The following RIOK1 variants were observed in gnomAD, a reference collection of about 807,000 sequenced individuals.
RIOK1 encodes the protein serine/threonine-protein kinase RIO1.
RIOK1 carries 66 observed loss-of-function variants against 73.5 expected under a neutral mutation model. The observed-to-expected ratio is 0.90, with a 90% confidence interval of 0.74 to 1.10. The LOEUF (loss-of-function observed/expected upper bound fraction) is 1.10, where lower values mean the gene tolerates loss of function less well. Ranked by LOEUF, RIOK1 falls within the 50% of genes least tolerant of loss-of-function variation. The pLI is 0.00. For missense variants in RIOK1, 658 were observed against 699.8 expected (o/e 0.94, Z 0.67); for synonymous variants, 224 against 226.8 (o/e 0.99, Z 0.11).
chr6:7,390,168 T>G, intron 1 of RIOK1, 95 bp downstream of exon 1: 1 of 1,005,678 alleles, frequency 9.9e-7, no homozygotes, highest in Non-Finnish European at 1.5e-6. Context: ...AGAGGGAGAC[T>G]AGTGGTTCAT....
Position 7,417,556 on chromosome 6 carries a change from G to A in RIOK1, c.*115G>A, listed in dbSNP as rs1170719123. The A allele has an allele frequency of 4.9e-6, 3 of 609,002 alleles. No homozygotes were observed. The highest frequency in any genetic ancestry group is 8.4e-6 in the Non-Finnish European group (3 of 355,314). The allele number at this position is 609,002 out of a possible 1,614,324, so 37.7% of individuals were successfully genotyped here. On this transcript the variant is annotated 3_prime_UTR_variant, in exon 17 of 17. Coordinates refer to ENST00000379834, the MANE Select transcript of RIOK1 (RefSeq NM_031480.3). ...TTAACCAGATTGTCATCGTGGCACTGTCTGTGAAGACGGATTCAAATGTTT... is the reference window on the plus strand; with the variant it reads ...TTAACCAGATTGTCATCGTGGCACTATCTGTGAAGACGGATTCAAATGTTT...
chr6:7,402,746 T>G (rs777174528), intron 7 of RIOK1, 31 bp downstream of exon 7: 2 of 1,604,688 alleles, frequency 1.2e-6, no homozygotes, highest in Non-Finnish European at 1.7e-6. Context: ...CCAGTTGGTT[T>G]AATTTCTATT....
At chr6:7,401,914 A>T (rs1469886869) in intron 6 of RIOK1, among the ~76,000 whole-genome samples, 1 of 152,026 alleles carries the variant, frequency 6.6e-6, no homozygotes, top group East Asian at 1.9e-4. Flanking sequence ...TTTGGCCTGA[A>T]GTGATTCACC....
At chr6:7,394,526 T>G (rs1416634824) in intron 2 of RIOK1, among the ~76,000 whole-genome samples, 1 of 152,232 alleles carries the variant, frequency 6.6e-6, no homozygotes, top group Non-Finnish European at 1.5e-5. Context: ...ATTTTGCATT[T>G]TTATATCGTC....
At chr6:7,395,759 G>A (rs1761459874) in intron 3 of RIOK1, among the ~76,000 whole-genome samples, 1 of 150,868 alleles carries the variant, frequency 6.6e-6, no homozygotes, top group African/African-American at 2.4e-5. Context: ...ACCCAGGCTA[G>A]AGTGCAGTGG....
At chr6:7,400,877 GTTTA>G in intron 5 of RIOK1, 77 bp from the exon 6 acceptor site, 1 of 791,966 alleles carries the variant, frequency 1.3e-6, no homozygotes, top group Non-Finnish European at 2.2e-6. Context: ...AAGCTCTGCT[GTTTA>G]TTGATTGTCA....
intron 12 of RIOK1, among the ~76,000 whole-genome samples, chr6:7,405,963 T>A (rs1182346163): frequency 3.3e-5 from 5 of 151,622 alleles, no homozygotes; most frequent in African/African-American, 4.8e-5. Context: ...TCTCTTTTTT[T>A]CTTTTCTTTC....
At chr6:7,407,720 C>T (rs1017064099) in intron 12 of RIOK1, among the ~76,000 whole-genome samples, 1 of 152,014 alleles carries the variant, frequency 6.6e-6, no homozygotes, top group Non-Finnish European at 1.5e-5. Context: ...TCTTAGACTC[C>T]TGGGCTTAAG....
chr6:7,409,818 T>G (rs1432094284), intron 12 of RIOK1, among the ~76,000 whole-genome samples: 1 of 143,832 alleles, frequency 7.0e-6, no homozygotes, highest in Non-Finnish European at 1.5e-5. Flanking sequence ...AAAAAAAACC[T>G]CTGCTCCCAC....
chr6:7,404,860 A>T, intron 10 of RIOK1, 58 bp from the exon 11 acceptor site: 1 of 1,422,166 alleles, frequency 7.0e-7, no homozygotes, highest in South Asian at 1.2e-5. Flanking sequence ...AATTTATTTT[A>T]AACGAAAAAC....
At chr6:7,400,475 G>A (rs769537516) in intron 5 of RIOK1, among the ~76,000 whole-genome samples, 63 of 152,184 alleles carry the variant, frequency 4.1e-4, no homozygotes, top group Admixed American at 1.2e-3. Context: ...AAAAGACACC[G>A]GAGTTTGGAG....
rs58234662 is a variant in RIOK1 at position 7,409,213 on chromosome 6, TTGTGTGTGTGTGTG to T, written c.1204-1129_1204-1116del. Among the ~76,000 whole-genome samples, 692 of 88,230 alleles carry T rather than the reference TTGTGTGTGTGTGTG, an allele frequency of 7.8e-3. 7 individuals carry two copies. The highest frequency in any genetic ancestry group is 0.016 in the African/African-American group (359 of 22,724). The allele number at this position is 88,230 out of a possible 152,430, so 57.9% of individuals were successfully genotyped here. Reference sequence around the variant, plus strand: ...GGAGCCCACCACCACTCCCGACTAATTGTGTGTGTGTGTGTGTGTGTGTGTGTGTGTGTGTGTGT... The same window carrying T: ...GGAGCCCACCACCACTCCCGACTAATTGTGTGTGTGTGTGTGTGTGTGTGT... On this transcript the variant is annotated intron_variant, in intron 12 of 16. Transcript: ENST00000379834.
chr6:7,400,171 A>T (rs1172709231), intron 5 of RIOK1, among the ~76,000 whole-genome samples: 2 of 152,210 alleles, frequency 1.3e-5, no homozygotes, highest in African/African-American at 4.8e-5. Context: ...GGAAATGCTT[A>T]CCGTGATTTA....
chr6:7,403,774 A>G (rs1350191533), intron 8 of RIOK1, among the ~76,000 whole-genome samples, 167 bp from the exon 9 acceptor site: 2 of 148,998 alleles, frequency 1.3e-5, no homozygotes, highest in Middle Eastern at 3.5e-3. Context: ...GTGGTACATA[A>G]TGGTGCCACT....
rs1257979850 is a variant in RIOK1 at position 7,411,380 on chromosome 6, T to C, written c.1318T>C (p.Tyr440His). The part of the protein sequence containing the change: ...IPRTLNEVKN[Y>H]ERDMDIIMKL... ...TAGAACCTTGAATGAAGTGAAAAAT[T>C]ATGAGAGGGATATGGACATAATTAT... Residue 440 changes from tyrosine (Y) to histidine (H), a missense_variant, in exon 14 of 17, where the codon TAT becomes CAT. Tyr to His is a moderately conservative substitution (Grantham distance 83). Coordinates refer to ENST00000379834, the MANE Select transcript of RIOK1 (RefSeq NM_031480.3). 1 of 1,613,956 alleles carries C rather than the reference T, an allele frequency of 6.2e-7. No individual in the cohort carries two copies. Among genetic ancestry groups the C allele is most frequent in the Admixed American group, 1.7e-5 (1 of 60,012 alleles).
At chr6:7,406,321 T>A (rs1761746090) in intron 12 of RIOK1, among the ~76,000 whole-genome samples, 2 of 152,138 alleles carry the variant, frequency 1.3e-5, no homozygotes, top group Admixed American at 1.3e-4. Flanking sequence ...GAATATAGAA[T>A]TTTTTAGAAT....
chr6:7,404,604 C>T (rs778064643), intron 10 of RIOK1, 49 bp downstream of exon 10: 68 of 1,587,436 alleles, frequency 4.3e-5, no homozygotes, highest in Admixed American at 3.8e-4. Context: ...GTTTCGTGTC[C>T]TTTAAAATGA....
intron 8 of RIOK1, among the ~76,000 whole-genome samples, 159 bp from the exon 9 acceptor site, chr6:7,403,782 A>G (rs371650853): frequency 1.5e-3 from 235 of 151,784 alleles, no homozygotes; most frequent in Middle Eastern, 0.014. Context: ...TAATGGTGCC[A>G]CTTAAAATAA....
intron 5 of RIOK1, among the ~76,000 whole-genome samples, chr6:7,399,359 TC>T (rs1761557728): frequency 6.6e-6 from 1 of 152,156 alleles, no homozygotes; most frequent in South Asian, 2.1e-4. Flanking sequence ...TGTTCTGAAT[TC>T]CACCATTAGA....
Sources: gnomAD v4.1 joint callset for allele counts (sites outside exome capture counted in the v4.1 genomes callset) on GRCh38, gnomAD v4.1.1 for gene constraint, MANE v1.5 for transcripts, NCBI Gene and HGNC (gene_info 2026-07-23, HGNC 2026-07-21) for gene names.